The following SNRNP200 variants were observed in gnomAD, a reference collection of about 807,000 sequenced individuals.
SNRNP200 encodes the protein small nuclear ribonucleoprotein U5 subunit 200.
SNRNP200 carries 66 observed loss-of-function variants against 255.2 expected under a neutral mutation model. That is an observed-to-expected ratio of 0.26 (90% confidence interval 0.21 to 0.32). The LOEUF (loss-of-function observed/expected upper bound fraction) is 0.32, where lower values mean the gene tolerates loss of function less well. Ranked by LOEUF, SNRNP200 falls within the 10% of genes least tolerant of loss-of-function variation. The pLI is 1.00. For synonymous variants in SNRNP200, 939 were observed against 1,027.8 expected (o/e 0.91, Z 1.65); for missense variants, 1,585 against 2,749.8 (o/e 0.58, Z 9.47).
At position 96,277,280 on chromosome 2, in the gene SNRNP200, G is replaced by A. The variant is rs769855408; in HGVS notation, c.5932-39C>T. The A allele has an allele frequency of 1.8e-5, 29 of 1,608,742 alleles. No homozygotes were observed. In the South Asian group the frequency reaches 1.9e-4, roughly 10 times the overall value. On this transcript the variant is annotated intron_variant, in intron 41 of 44. Coordinates refer to ENST00000323853, the MANE Select transcript of SNRNP200 (RefSeq NM_014014.5). The surrounding 1 kb of genome is among the most constrained non-coding windows in gnomAD (Gnocchi z 4.4). ...TCAGACGTCAGGAAAGAGAGAACAC[G>A]GGCCAACAGCAAATGACACAGGCAG...
Position 96,278,003 on chromosome 2 carries a change from C to T in SNRNP200, c.5611-53G>A, listed in dbSNP as rs1316821492. 1 of 1,612,016 alleles carries T rather than the reference C, an allele frequency of 6.2e-7. No individual in the cohort carries two copies. The highest frequency in any genetic ancestry group is 1.3e-5 in the African/African-American group (1 of 74,866). On this transcript the variant is annotated intron_variant, in intron 39 of 44. Transcript: ENST00000323853. This position sits in a 1 kb window ranked among gnomAD's most constrained non-coding sequence, Gnocchi z 6.9. The stretch of plus-strand genomic sequence containing the variant: ...GATGAACAGGTGACCCTGCCTGAGA[C>T]CAGCTCAGGCCAAAGCACCACGTGG...
chr2:96,296,184 T>C (rs978216632), intron 13 of SNRNP200, among the ~76,000 whole-genome samples: 1 of 152,162 alleles, frequency 6.6e-6, no homozygotes, highest in Non-Finnish European at 1.5e-5. Flanking sequence ...TGGCAACTTG[T>C]AGATAAGAAG....
At chr2:96,281,791 C>T (rs1212774923) in intron 35 of SNRNP200, 23 bp downstream of exon 35, 1 of 1,535,474 alleles carries the variant, frequency 6.5e-7, no homozygotes, top group South Asian at 1.1e-5. Context: ...TCTGTGCTAA[C>T]ACAGAGCACC....
Position 96,290,865 on chromosome 2 carries a change from GT to G in SNRNP200, c.2422-51del, listed in dbSNP as rs781549269. ...AGGAGAACAGATGCCATCACCAGGGGTTAATATCCCTGGCTTCTCTAGGCAG... is the reference window on the plus strand; with the variant it reads ...AGGAGAACAGATGCCATCACCAGGGGTAATATCCCTGGCTTCTCTAGGCAG... On this transcript the variant is annotated intron_variant, in intron 18 of 44. Transcript: ENST00000323853. The surrounding 1 kb of genome is among the most constrained non-coding windows in gnomAD (Gnocchi z 4.5). 37 of 1,611,210 alleles carry G rather than the reference GT, an allele frequency of 2.3e-5. No individual in the cohort carries two copies. The highest frequency in any genetic ancestry group is 2.8e-5 in the Non-Finnish European group (33 of 1,177,986).
chr2:96,279,691 CTG>C (rs1684727327), intron 35 of SNRNP200, 132 bp from the exon 36 acceptor site: 1 of 686,912 alleles, frequency 1.5e-6, no homozygotes, highest in Non-Finnish European at 2.7e-6. Context: ...CGGGACGACT[CTG>C]TTTATGAATC....
chr2:96,299,544 A>G lies in SNRNP200; in HGVS notation c.631-117T>C. 9 of 854,712 alleles carry G rather than the reference A, an allele frequency of 1.1e-5. No homozygotes were observed. In the South Asian group the frequency reaches 1.2e-4, roughly 12 times the overall value. The allele number at this position is 854,712 out of a possible 1,614,324, so 52.9% of individuals were successfully genotyped here. ...GGGTAGAGAAATGGCTTTGGGGTGA[A>G]ACCGAGAGCCTATTGGAACCAAGGT... On this transcript the variant is annotated intron_variant, in intron 5 of 44. Transcript: ENST00000323853.
In SNRNP200 at chr2:96,284,483, T is replaced by C; in HGVS notation, c.4267A>G (p.Asn1423Asp). The change falls in exon 31 of 45, where the codon AAC becomes GAC. Residue 1423 changes from asparagine to aspartate, a missense_variant. This residue lies in a region of SNRNP200 where 719 missense variants were observed against 1,091.1 expected (regional missense o/e 0.66). Transcript: ENST00000323853. ...TTCTCAGGGGTGCTGATGATAATGT[T>C]CCCTTTGCCCAGCAGCTTCAGGTCT... ...STDLKLLGKGNIIISTPEKWD... is the reference protein window; with the variant it reads ...STDLKLLGKGDIIISTPEKWD... 1 of 1,614,178 alleles carries C rather than the reference T, an allele frequency of 6.2e-7. No homozygotes were observed. The highest frequency in any genetic ancestry group is 8.5e-7 in the Non-Finnish European group (1 of 1,180,028).
intron 21 of SNRNP200, 129 bp from the exon 22 acceptor site, chr2:96,289,508 T>C (rs962466688): frequency 2.0e-5 from 20 of 987,922 alleles, no homozygotes; most frequent in Non-Finnish European, 2.0e-5. Context: ...CCCAATGTCA[T>C]TATTGTCCTA....
chr2:96,298,484 G>A (rs1023262340), intron 8 of SNRNP200, 64 bp from the exon 9 acceptor site: 2 of 1,611,082 alleles, frequency 1.2e-6, no homozygotes, highest in Non-Finnish European at 1.7e-6. Context: ...ACCATCCTCA[G>A]GGTAGAAAGA....
chr2:96,283,163 A>G lies in SNRNP200; in HGVS notation c.4915+38T>C. 1 of 1,612,140 alleles carries G rather than the reference A, an allele frequency of 6.2e-7. No individual in the cohort carries two copies. Among genetic ancestry groups the G allele is most frequent in the Non-Finnish European group, 8.5e-7 (1 of 1,179,718 alleles). ...TCAAGTTTAACACCACCACTTGGTG[A>G]TACCCTTGCTATGCTCCCCTTCCGT... On this transcript the variant is annotated intron_variant, in intron 34 of 44. Transcript: ENST00000323853. This position sits in a 1 kb window ranked among gnomAD's most constrained non-coding sequence, Gnocchi z 4.7.
intron 22 of SNRNP200, 44 bp from the exon 23 acceptor site, chr2:96,289,161 G>C (rs2063868169): frequency 6.2e-7 from 1 of 1,613,598 alleles, no homozygotes; most frequent in African/African-American, 1.3e-5. Context: ...TTGTGGCCGA[G>C]GAGGGACACC....
Position 96,278,951 on chromosome 2 carries a change from G to A in SNRNP200, c.5181C>T (p.His1727=), listed in dbSNP as rs1002691386. The A allele has an allele frequency of 1.2e-6, 2 of 1,614,102 alleles. No homozygotes were observed. Among genetic ancestry groups the A allele is most frequent in the South Asian group, 1.1e-5 (1 of 91,086 alleles). ...FLYEPLPVES[H]LDHCMHDHFN... ...AGTGGTCATGCATACAGTGGTCCAGGTGAGATTCTACTGGCAATGGCTCAT... is the reference window on the plus strand; with the variant it reads ...AGTGGTCATGCATACAGTGGTCCAGATGAGATTCTACTGGCAATGGCTCAT... The change falls in exon 37 of 45, where the codon CAC becomes CAT. Residue 1727 remains histidine (H), a synonymous_variant. Transcript: ENST00000323853. The surrounding 1 kb of genome is among the most constrained non-coding windows in gnomAD (Gnocchi z 6.9).
Position 96,303,146 on chromosome 2 carries a change from A to C in SNRNP200, c.381+13T>G. 2 of 1,613,742 alleles carry C rather than the reference A, an allele frequency of 1.2e-6. No individual in the cohort carries two copies. The highest frequency in any genetic ancestry group is 1.7e-5 in the Admixed American group (1 of 60,010). On this transcript the variant is annotated intron_variant, in intron 3 of 44. Transcript: ENST00000323853. Reference sequence around the variant, plus strand: ...ATAAAGACCTAATATATATTTCACAATATCACACTCACCTGGTCCCCAAGA... The same window carrying C: ...ATAAAGACCTAATATATATTTCACACTATCACACTCACCTGGTCCCCAAGA...
At chr2:96,301,426 C>G (rs752600273) in intron 4 of SNRNP200, 98 bp downstream of exon 4, 9 of 1,267,130 alleles carry the variant, frequency 7.1e-6, no homozygotes, top group South Asian at 1.2e-5. Flanking sequence ...TGGGAACTCA[C>G]TGACATTAAG....
chr2:96,297,393 A>G lies in SNRNP200; in HGVS notation c.1347T>C (p.Ala449=), dbSNP rs982955047. 4.3e-6 allele frequency: 7 copies of G among 1,613,934 alleles called. No homozygotes were observed. In the Admixed American group the frequency reaches 5.0e-5, roughly 12 times the overall value. The change falls in exon 11 of 45, where the codon GCT becomes GCC. Residue 449 remains alanine (A), a synonymous_variant. Coordinates refer to ENST00000323853, the MANE Select transcript of SNRNP200 (RefSeq NM_014014.5). Reference sequence around the variant, plus strand: ...CTGAGCCAAAGGGCTTGGGCTTCAGAGCAGGCACATGCACCTCTTCATAGC... The same window carrying G: ...CTGAGCCAAAGGGCTTGGGCTTCAGGGCAGGCACATGCACCTCTTCATAGC... ...RKGYEEVHVP[A]LKPKPFGSEE... is the part of the protein sequence containing the mutation.
At position 96,286,796 on chromosome 2, in the gene SNRNP200, G is replaced by A. The variant is rs1553440063; in HGVS notation, c.3721C>T (p.Leu1241Phe). The change falls in exon 28 of 45, where the codon CTC (leucine) becomes TTC (phenylalanine). Residue 1241 changes from leucine to phenylalanine, a missense_variant. Around this residue, in one of 9 missense-constraint regions of SNRNP200, gnomAD observed 719 missense variants for 1,091.1 expected, o/e 0.66. Transcript: ENST00000323853. This position sits in a 1 kb window ranked among gnomAD's most constrained non-coding sequence, Gnocchi z 4.8. ...EVILHHEYFL[L>F]KAKYAQDEHL... is the part of the protein sequence containing the mutation. ...TCGTCCTGGGCGTACTTGGCCTTGA[G>A]GAGAAAATACTCATGGTGCAGAATC... is the stretch of plus-strand genomic sequence containing the variant. 2 of 1,614,206 alleles carry A rather than the reference G, an allele frequency of 1.2e-6. No homozygotes were observed. Among genetic ancestry groups the A allele is most frequent in the African/African-American group, 1.3e-5 (1 of 75,034 alleles).
At position 96,284,019 on chromosome 2, in the gene SNRNP200, G is replaced by A; in HGVS notation, c.4393-15C>T. On this transcript the variant is annotated splice_polypyrimidine_tract_variant and intron_variant, in intron 31 of 44. Transcript: ENST00000323853. ...TCTAAGACAGGCTGGAAAGAGGGAG[G>A]GAGGGAGGGTCACTGCAGGCCAAGG... 1 of 1,559,754 alleles carries A rather than the reference G, an allele frequency of 6.4e-7. No homozygotes were observed. Among genetic ancestry groups the A allele is most frequent in the Non-Finnish European group, 8.7e-7 (1 of 1,147,104 alleles).
At chr2:96,297,562 A>AAAGGAAGT in intron 10 of SNRNP200, 26 bp from the exon 11 acceptor site, 1 of 1,614,194 alleles carries the variant, frequency 6.2e-7, no homozygotes, top group South Asian at 1.1e-5. Context: ...ACAAAAACAC[A>AAAGGAAGT]AAGGAAGTAA....
intron 43 of SNRNP200, 124 bp from the exon 44 acceptor site, chr2:96,275,473 A>G: frequency 4.9e-6 from 4 of 824,718 alleles, no homozygotes; most frequent in Non-Finnish European, 6.2e-6. Context: ...TTCTTCCCGA[A>G]ATACAATTAG....
Sources: gnomAD v4.1 joint callset for allele counts (sites outside exome capture counted in the v4.1 genomes callset) on GRCh38, gnomAD v4.1.1 for gene constraint, gnomAD v4.1.1 regional missense constraint, Gnocchi (gnomAD v3.1) non-coding constraint, MANE v1.5 for transcripts, NCBI Gene and HGNC (gene_info 2026-07-23, HGNC 2026-07-21) for gene names.